CNTNAP2: variants seen among roughly 807,000 people sequenced by gnomAD.
CNTNAP2 encodes the protein contactin-associated protein-like 2.
A neutral mutation model predicts 155.2 loss-of-function variants in CNTNAP2; 98 were observed. The ratio of observed to expected loss-of-function variants is 0.63; its 90% CI spans 0.54 to 0.75. The LOEUF is 0.75. Among genes scored for constraint, CNTNAP2 ranks in the 30% least tolerant of loss-of-function variants. CNTNAP2 has a pLI of 0.00. For missense variants in CNTNAP2, 1,727 were observed against 1,688.1 expected (o/e 1.02, Z -0.40); for synonymous variants, 651 against 631.2 (o/e 1.03, Z -0.47).
At chr7:148,305,513 G>C (rs113454884) in intron 21 of CNTNAP2, among the ~76,000 whole-genome samples, 239 of 152,266 alleles carry the variant, frequency 1.6e-3, no homozygotes, top group Non-Finnish European at 2.7e-3. Context: ...AACTACATGA[G>C]ACTGGGTAAT....
chr7:147,507,503 T>C (rs770719563), intron 11 of CNTNAP2, among the ~76,000 whole-genome samples: 16 of 151,422 alleles, frequency 1.1e-4, no homozygotes, highest in Admixed American at 2.0e-4. Context: ...TGTTAACTTA[T>C]ATAAATGGGA....
chr7:147,629,433 TAATA>T (rs1795045497), intron 12 of CNTNAP2, among the ~76,000 whole-genome samples: 1 of 147,542 alleles, frequency 6.8e-6, no homozygotes, highest in South Asian at 2.1e-4. Flanking sequence ...ATAATAATAA[TAATA>T]ATAATAATAA....
chr7:147,066,278 C>A (rs942663129), intron 4 of CNTNAP2, among the ~76,000 whole-genome samples: 3 of 152,084 alleles, frequency 2.0e-5, no homozygotes, highest in African/African-American at 7.3e-5. Flanking sequence ...TTCGTCAGTT[C>A]TGTTACCATT....
intron 8 of CNTNAP2, chr7:147,167,681 G>T (rs1341726174): frequency 9.0e-6 from 3 of 333,910 alleles, no homozygotes; most frequent in Non-Finnish European, 1.6e-5. Flanking sequence ...ATCTAGCTAG[G>T]TGGGGCATGT....
chr7:147,562,767 G>C (rs1209610023), intron 12 of CNTNAP2, among the ~76,000 whole-genome samples: 2 of 152,152 alleles, frequency 1.3e-5, no homozygotes, highest in Admixed American at 6.6e-5. Context: ...TTGGGAAGAG[G>C]ACCTAGTTTT....
chr7:146,480,672 A>C (rs566974505), intron 1 of CNTNAP2, among the ~76,000 whole-genome samples: 1 of 134,544 alleles, frequency 7.4e-6, no homozygotes, highest in Non-Finnish European at 1.5e-5. Flanking sequence ...AAATATATAT[A>C]TATTTTTTTT....
At chr7:146,611,977 G>A (rs2129154207) in intron 1 of CNTNAP2, among the ~76,000 whole-genome samples, 1 of 152,174 alleles carries the variant, frequency 6.6e-6, no homozygotes, top group Non-Finnish European at 1.5e-5. Flanking sequence ...ACATATAAAA[G>A]GTTATCCTTG....
At chr7:146,176,694 A>G (rs1302144249) in intron 1 of CNTNAP2, among the ~76,000 whole-genome samples, 2 of 152,148 alleles carry the variant, frequency 1.3e-5, no homozygotes, top group African/African-American at 4.8e-5. Context: ...TAGAAATGAT[A>G]CGGCTAAGTT....
intron 1 of CNTNAP2, among the ~76,000 whole-genome samples, chr7:146,574,073 G>A (rs894084811): frequency 1.3e-5 from 2 of 152,120 alleles, no homozygotes; most frequent in Admixed American, 6.6e-5. Flanking sequence ...AGAGATACCT[G>A]TCCTATGAGG....
intron 4 of CNTNAP2, among the ~76,000 whole-genome samples, chr7:147,055,072 C>A (rs953904135): frequency 8.5e-5 from 13 of 152,122 alleles, no homozygotes; most frequent in African/African-American, 2.9e-4. Flanking sequence ...TTAAAGAAAG[C>A]ATTCAACCCG....
At chr7:148,226,473 G>A (rs550204883) in intron 19 of CNTNAP2, among the ~76,000 whole-genome samples, 9 of 152,144 alleles carry the variant, frequency 5.9e-5, no homozygotes, top group African/African-American at 2.2e-4. Context: ...ACCAAGGAAC[G>A]ACCGTCTCCC....
intron 12 of CNTNAP2, among the ~76,000 whole-genome samples, chr7:147,612,648 G>T (rs531614783): frequency 6.6e-6 from 1 of 151,966 alleles, no homozygotes; most frequent in African/African-American, 2.4e-5. Flanking sequence ...CAATCTGCCC[G>T]CCTTGGCCTC....
intron 14 of CNTNAP2, among the ~76,000 whole-genome samples, chr7:147,954,279 T>C (rs1456020540): frequency 1.3e-5 from 2 of 152,124 alleles, no homozygotes; most frequent in Non-Finnish European, 2.9e-5. Context: ...TTTTAAGACT[T>C]TGTTCAAGTC....
rs1267642574 is a variant in CNTNAP2 at position 147,087,082 on chromosome 7, G to C, written c.551-21065G>C. Among the ~76,000 whole-genome samples, 3 of 152,256 alleles carry C rather than the reference G, an allele frequency of 2.0e-5. No individual in the cohort carries two copies. In the East Asian group the frequency reaches 5.8e-4, roughly 29 times the overall value. The stretch of plus-strand genomic sequence containing the variant: ...GTGTCTGGTTATTATCTACATGGTG[G>C]ACCTTCAGTGACTGGAGGACCTCTC... On this transcript the variant is annotated intron_variant, in intron 4 of 23. Coordinates refer to ENST00000361727, the MANE Select transcript of CNTNAP2 (RefSeq NM_014141.6).
At chr7:146,799,170 C>T (rs1481384153) in intron 2 of CNTNAP2, among the ~76,000 whole-genome samples, 1 of 152,140 alleles carries the variant, frequency 6.6e-6, no homozygotes, top group Non-Finnish European at 1.5e-5. Flanking sequence ...AGATCAATTT[C>T]TTTGAGTTGC....
chr7:146,784,634 G>T (rs948104729), intron 2 of CNTNAP2, among the ~76,000 whole-genome samples: 4 of 152,142 alleles, frequency 2.6e-5, no homozygotes, highest in Non-Finnish European at 4.4e-5. Context: ...TCCTACTTGT[G>T]TTCAATTGCC....
At chr7:146,673,191 T>C (rs1800339028) in intron 1 of CNTNAP2, among the ~76,000 whole-genome samples, 3 of 152,194 alleles carry the variant, frequency 2.0e-5, no homozygotes, top group African/African-American at 7.2e-5. Flanking sequence ...CAGAATCCCT[T>C]ATTGCCTTCC....
At chr7:146,925,236 T>C (rs1409237026) in intron 3 of CNTNAP2, among the ~76,000 whole-genome samples, 4 of 152,138 alleles carry the variant, frequency 2.6e-5, no homozygotes, top group Admixed American at 2.6e-4. Flanking sequence ...TTTCCCATCA[T>C]ATATATAAAT....
chr7:147,016,201 C>T (rs1039941972), intron 3 of CNTNAP2, among the ~76,000 whole-genome samples: 3 of 151,692 alleles, frequency 2.0e-5, no homozygotes, highest in East Asian at 1.9e-4. Context: ...GATGAAAGCG[C>T]GGAAGAACCA....
Sources: allele counts gnomAD v4.1 joint callset (sites outside exome capture counted in the v4.1 genomes callset), GRCh38; gene constraint gnomAD v4.1.1; transcripts MANE v1.5; gene names NCBI Gene and HGNC (gene_info 2026-07-23, HGNC 2026-07-21).